The following FOXN3 variants were observed in gnomAD, a reference collection of about 807,000 sequenced individuals.
FOXN3 encodes forkhead box protein N3.
FOXN3 carries 7 observed loss-of-function variants against 38.4 expected under a neutral mutation model. The ratio of observed to expected loss-of-function variants is 0.18; its 90% CI spans 0.10 to 0.34. The LOEUF is 0.34. Ranked by LOEUF, FOXN3 falls within the 10% of genes least tolerant of loss-of-function variation. The pLI, the probability that FOXN3 is intolerant of heterozygous loss-of-function variation, is 1.00. For missense variants in FOXN3, 456 were observed against 613.4 expected (o/e 0.74, Z 2.71); for synonymous variants, 230 against 242.2 (o/e 0.95, Z 0.47).
At chr14:89,458,245 G>A (rs1478077750) in intron 1 of FOXN3, among the ~76,000 whole-genome samples, 1 of 152,176 alleles carries the variant, frequency 6.6e-6, no homozygotes, top group Non-Finnish European at 1.5e-5. Context: ...AGTTTTCAGT[G>A]TCTCTTGTCA....
chr14:89,579,726 G>A (rs10873398), intron 1 of FOXN3, among the ~76,000 whole-genome samples: 92,183 of 151,856 alleles, frequency 0.61, 29,114 homozygotes, highest in African/African-American at 0.68. Flanking sequence ...CAGAGAACCC[G>A]TATCTGGCCA....
intron 2 of FOXN3, among the ~76,000 whole-genome samples, chr14:89,360,739 G>GCACCACCTCCAC (rs1306062905): frequency 3.1e-5 from 2 of 64,964 alleles, no homozygotes; most frequent in Non-Finnish European, 3.0e-5. Context: ...ACCACCTCCA[G>GCACCACCTCCAC]CACCACCTCC....
intron 5 of FOXN3, among the ~76,000 whole-genome samples, chr14:89,171,403 A>C (rs927988717): frequency 6.6e-6 from 1 of 152,210 alleles, no homozygotes; most frequent in Non-Finnish European, 1.5e-5. Flanking sequence ...GAAAGAATGA[A>C]TACGCCTCAA....
chr14:89,297,170 A>G (rs1887064254), intron 3 of FOXN3, among the ~76,000 whole-genome samples: 1 of 152,206 alleles, frequency 6.6e-6, no homozygotes, highest in South Asian at 2.1e-4. Flanking sequence ...GTAACTATAT[A>G]AGACATTACC....
intron 4 of FOXN3, among the ~76,000 whole-genome samples, chr14:89,204,099 A>G (rs1888314171): frequency 7.7e-6 from 1 of 130,524 alleles, no homozygotes; most frequent in African/African-American, 3.0e-5. Context: ...ACACACACAC[A>G]CACAACTACT....
chr14:89,188,496 A>T (rs1483530283), intron 4 of FOXN3, among the ~76,000 whole-genome samples: 1 of 152,194 alleles, frequency 6.6e-6, no homozygotes, highest in East Asian at 1.9e-4. Context: ...CCAAAATGGC[A>T]GCTTGGTGAT....
At chr14:89,589,579 T>C (rs12101236) in intron 1 of FOXN3, among the ~76,000 whole-genome samples, 11,267 of 152,026 alleles carry the variant, frequency 0.074, 979 homozygotes, top group African/African-American at 0.2. Flanking sequence ...CCGAGGTCTA[T>C]AGGCGAACAG....
intron 1 of FOXN3, among the ~76,000 whole-genome samples, chr14:89,545,470 C>T (rs186049520): frequency 3.4e-4 from 52 of 152,294 alleles, no homozygotes; most frequent in African/African-American, 1.2e-3. Context: ...TAGAGAAGCA[C>T]TTTCATGGTC....
In FOXN3 at chr14:89,412,363, G is replaced by A. The variant is rs370384884; in HGVS notation, c.114C>T (p.Asp38=). 1.7e-5 allele frequency: 27 copies of A among 1,614,006 alleles called. No individual in the cohort carries two copies. Among genetic ancestry groups the A allele is most frequent in the South Asian group, 3.3e-5 (3 of 91,084 alleles). ...GSGFSKALQE[D]DDLDFSLPDI... is the part of the protein sequence containing the mutation. The stretch of plus-strand genomic sequence containing the variant: ...CAGGCAGAGAAAAGTCGAGGTCATC[G>A]TCTTCCTGAAGGGCCTTGGAGAAAC... Residue 38 remains aspartate (D), a synonymous_variant, in exon 2 of 6, where the codon GAC becomes GAT. Coordinates refer to ENST00000557258, the MANE Select transcript of FOXN3 (RefSeq NM_005197.4). The surrounding 1 kb of genome is among the most constrained non-coding windows in gnomAD (Gnocchi z 4.7).
chr14:89,539,240 T>C (rs914508094), intron 1 of FOXN3, among the ~76,000 whole-genome samples: 1 of 152,184 alleles, frequency 6.6e-6, no homozygotes, highest in Non-Finnish European at 1.5e-5. Flanking sequence ...TTTAAAGGCA[T>C]TTGAAGATAA....
intron 1 of FOXN3, among the ~76,000 whole-genome samples, chr14:89,587,652 G>A (rs1437193546): frequency 6.6e-6 from 1 of 152,144 alleles, no homozygotes; most frequent in Non-Finnish European, 1.5e-5. Context: ...CAGATCACTT[G>A]AGGTCAGCAG....
At chr14:89,323,330 A>G (rs548733914) in intron 3 of FOXN3, among the ~76,000 whole-genome samples, 2 of 151,106 alleles carry the variant, frequency 1.3e-5, no homozygotes, top group East Asian at 1.9e-4. Context: ...AGAAAGAATG[A>G]CAGTGGGGCA....
At chr14:89,475,779 T>C (rs1893197840) in intron 1 of FOXN3, among the ~76,000 whole-genome samples, 1 of 152,220 alleles carries the variant, frequency 6.6e-6, no homozygotes, top group African/African-American at 2.4e-5. Context: ...CTTATGTAAC[T>C]TATAGGGCCC....
At chr14:89,496,964 C>CT (rs1377432754) in intron 1 of FOXN3, among the ~76,000 whole-genome samples, 4 of 151,986 alleles carry the variant, frequency 2.6e-5, no homozygotes, top group Non-Finnish European at 5.9e-5. Context: ...AATCTTCTTT[C>CT]TTTTTTTTGA....
intron 1 of FOXN3, among the ~76,000 whole-genome samples, chr14:89,509,961 C>A (rs1034735624): frequency 6.6e-6 from 1 of 152,118 alleles, no homozygotes; most frequent in Non-Finnish European, 1.5e-5. Context: ...GCATGTTTCC[C>A]ATGAAGAAGG....
At chr14:89,482,132 A>G (rs1406711153) in intron 1 of FOXN3, among the ~76,000 whole-genome samples, 1 of 152,226 alleles carries the variant, frequency 6.6e-6, no homozygotes, top group Non-Finnish European at 1.5e-5. Flanking sequence ...GTAGGACTGA[A>G]TTAATTACCA....
chr14:89,605,177 C>CA (rs199904473), intron 1 of FOXN3, among the ~76,000 whole-genome samples: 72 of 150,988 alleles, frequency 4.8e-4, no homozygotes, highest in East Asian at 1.2e-3. Context: ...AAAAAAAACA[C>CA]AAAAAAAACA....
At chr14:89,570,124 C>T (rs913705427) in intron 1 of FOXN3, among the ~76,000 whole-genome samples, 17 of 151,844 alleles carry the variant, frequency 1.1e-4, no homozygotes, top group African/African-American at 2.4e-4. Context: ...CCCCAGCCTC[C>T]GAGTAGCTGG....
At chr14:89,335,077 TCACACA>T (rs72014136) in intron 3 of FOXN3, among the ~76,000 whole-genome samples, 1,618 of 139,400 alleles carry the variant, frequency 0.012, 16 homozygotes, top group Middle Eastern at 0.018. Flanking sequence ...TATTTTCATA[TCACACA>T]CACACACACA....
Sources: allele counts gnomAD v4.1 joint callset (sites outside exome capture counted in the v4.1 genomes callset), GRCh38; gene constraint gnomAD v4.1.1; non-coding constraint Gnocchi (gnomAD v3.1); transcripts MANE v1.5; gene names NCBI Gene and HGNC (gene_info 2026-07-23, HGNC 2026-07-21).